Variants in DNAJB2 observed in about 807,000 individuals in gnomAD.
DNAJB2 encodes the protein DnaJ heat shock protein family (Hsp40) member B2, also known as dnaJ homolog subfamily B member 2.
In DNAJB2, 19 loss-of-function variants were observed where a neutral mutation model predicts 33.3. That is an observed-to-expected ratio of 0.57 (90% CI 0.40 to 0.84). The LOEUF (loss-of-function observed/expected upper bound fraction) is 0.84. Ranked by LOEUF, DNAJB2 falls within the 40% of genes least tolerant of loss-of-function variation. The pLI is 0.00. For missense variants in DNAJB2, 368 were observed against 430.9 expected, an observed-to-expected ratio of 0.85 and a Z score of 1.29; for synonymous variants, 172 against 164.6, an observed-to-expected ratio of 1.04 and a Z score of -0.34.
At chr2:219,280,046 GA>G (rs1315913135) in intron 2 of DNAJB2, 148 bp downstream of exon 2, 35 of 774,972 alleles carry the variant, frequency 4.5e-5, no homozygotes, top group Admixed American at 1.3e-4. Context: ...CTGCAGGGAG[GA>G]AAGAGACCCC....
At chr2:219,281,800 G>C in intron 4 of DNAJB2, 29 bp downstream of exon 4, 1 of 1,613,926 alleles carries the variant, frequency 6.2e-7, no homozygotes, top group Non-Finnish European at 8.5e-7. Flanking sequence ...CCCAGGAATG[G>C]AGGTGGGGCA....
chr2:219,281,854 C>G, intron 4 of DNAJB2, 83 bp downstream of exon 4: 1 of 1,610,298 alleles, frequency 6.2e-7, no homozygotes. Context: ...GAGGCTCTCT[C>G]AGGCTCCTGG....
Position 219,284,732 on chromosome 2 carries a change from T to C in DNAJB2, c.720T>C (p.Pro240=), listed in dbSNP as rs1240260923. Residue 240 remains proline, a synonymous_variant, in exon 9 of 9, where the codon CCT becomes CCC. Coordinates refer to ENST00000336576, the MANE Select transcript of DNAJB2 (RefSeq NM_006736.6). ...RSGGTQVQQT[P]ASCPLDSDLS... ...GGGGCACTCAGGTCCAGCAGACCCC[T>C]GCCTCATGCCCCTTGGACAGCGACC... is the stretch of plus-strand genomic sequence containing the variant. 1.9e-6 allele frequency: 3 copies of C among 1,613,420 alleles called. No homozygotes were observed. In the African/African-American group the frequency reaches 4.0e-5, roughly 22 times the overall value.
rs1951909003 is a variant in DNAJB2, at chr2:219,281,974, G to A, written c.265G>A (p.Gly89Arg). The change falls in exon 5 of 9, where the codon GGG becomes AGG. Residue 89 changes from glycine (G) to arginine (R), a missense_variant. Physicochemically the swap from Gly to Arg is moderately radical, Grantham distance 125. Coordinates refer to ENST00000336576, the MANE Select transcript of DNAJB2 (RefSeq NM_006736.6). ...ATCTCGGGCAGAAGCTGGCAGTGGTGGGCCTGGCTTCACCTTCACCTTCCG... is the reference window on the plus strand; with the variant it reads ...ATCTCGGGCAGAAGCTGGCAGTGGTAGGCCTGGCTTCACCTTCACCTTCCG... ...GPSRAEAGSG[G>R]PGFTFTFRSP... 1 of 1,614,104 alleles carries A rather than the reference G, an allele frequency of 6.2e-7. No individual in the cohort carries two copies. The highest frequency in any genetic ancestry group is 1.3e-5 in the African/African-American group (1 of 74,940).
Position 219,285,752 on chromosome 2 carries a change from C to T in DNAJB2, c.*765C>T. ...TCCTCCCTCTCGTTGCCTCAGCCTG[C>T]CCTCACCCTCAGGACTAGGCAGAGG... is the stretch of plus-strand genomic sequence containing the variant. On this transcript the variant is annotated 3_prime_UTR_variant, in exon 9 of 9. Coordinates refer to ENST00000336576, the MANE Select transcript of DNAJB2 (RefSeq NM_006736.6). 2 of 1,297,738 alleles carry T rather than the reference C, an allele frequency of 1.5e-6. No homozygotes were observed. Among genetic ancestry groups the T allele is most frequent in the East Asian group, 2.9e-5 (1 of 34,960 alleles). The allele number at this position is 1,297,738 out of a possible 1,614,324, so 80.4% of individuals were successfully genotyped here. A position where few individuals can be genotyped will look rare whatever the true frequency, so the allele number is the denominator to read the frequency against.
At chr2:219,280,075 A>G (rs996442021) in intron 2 of DNAJB2, 177 bp downstream of exon 2, 7 of 647,430 alleles carry the variant, frequency 1.1e-5, no homozygotes, top group Non-Finnish European at 1.9e-5. Flanking sequence ...GTACAAGGAG[A>G]ACGTCCAGAG....
intron 8 of DNAJB2, 66 bp from the exon 9 acceptor site, chr2:219,284,566 T>C (rs1327397271): frequency 3.9e-6 from 6 of 1,521,488 alleles, no homozygotes; most frequent in Non-Finnish European, 5.3e-6. Flanking sequence ...TGTTACTGTG[T>C]GAGGCAGCCT....
rs140751061 is a variant in DNAJB2 at position 219,279,913 on chromosome 2, A to T, written c.65+15A>T. 403 of 1,613,644 alleles carry T rather than the reference A, an allele frequency of 2.5e-4. 2 individuals carry two copies. The East Asian group carries it at 8.6e-3, about 34-fold the overall frequency. Reference sequence around the variant, plus strand: ...ATCAAGAAGGCGTAAGTGCCTCCGTATGCAACAGAAGACCTCTCACCCTCC... The same window carrying T: ...ATCAAGAAGGCGTAAGTGCCTCCGTTTGCAACAGAAGACCTCTCACCCTCC... On this transcript the variant is annotated intron_variant, in intron 2 of 8. Coordinates refer to ENST00000336576, the MANE Select transcript of DNAJB2 (RefSeq NM_006736.6). This position sits in a 1 kb window ranked among gnomAD's most constrained non-coding sequence, Gnocchi z 4.9.
intron 2 of DNAJB2, chr2:219,280,190 CT>C: frequency 1.9e-6 from 1 of 537,054 alleles, no homozygotes; most frequent in Non-Finnish European, 3.3e-6. Flanking sequence ...TCCCCTCCCC[CT>C]TCCCCCTAGA....
chr2:219,285,829 G>GAT lies in DNAJB2; in HGVS notation c.*843_*844insTA. The GAT allele has an allele frequency of 7.1e-7, 1 of 1,418,332 alleles. No individual in the cohort carries two copies. Among genetic ancestry groups the GAT allele is most frequent in the South Asian group, 1.5e-5 (1 of 66,184 alleles). 87.9% of individuals were successfully genotyped at this position (1,418,332 alleles called of 1,614,324 possible). On this transcript the variant is annotated 3_prime_UTR_variant, in exon 9 of 9. Transcript: ENST00000336576. Reference sequence around the variant, plus strand: ...GGATAGGACCGGGGGACCCCAGAGGGAGGCCTAGGAGGGGACTGCACCCAT... The same window carrying GAT: ...GGATAGGACCGGGGGACCCCAGAGGGATAGGCCTAGGAGGGGACTGCACCCAT...
chr2:219,286,085 C>A lies in DNAJB2; in HGVS notation c.*1098C>A. The A allele has an allele frequency of 6.4e-7, 1 of 1,563,664 alleles. No homozygotes were observed. Among genetic ancestry groups the A allele is most frequent in the South Asian group, 1.1e-5 (1 of 88,528 alleles). On this transcript the variant is annotated 3_prime_UTR_variant, in exon 9 of 9. Coordinates refer to ENST00000336576, the MANE Select transcript of DNAJB2 (RefSeq NM_006736.6). Reference sequence around the variant, plus strand: ...CTGGGAGGGGACCCTCCATTTCTCCCCCTCACCCATGCTGAGTGTAGAGCC... The same window carrying A: ...CTGGGAGGGGACCCTCCATTTCTCCACCTCACCCATGCTGAGTGTAGAGCC...
Position 219,279,842 on chromosome 2 carries a change from C to T in DNAJB2, c.9C>T (p.Ser3=). 6.2e-7 allele frequency: 1 copy of T among 1,614,016 alleles called. No homozygotes were observed. The highest frequency in any genetic ancestry group is 1.1e-5 in the South Asian group (1 of 91,082). The change falls in exon 2 of 9, where the codon TCC becomes TCT. Residue 3 remains serine (S), a synonymous_variant. Transcript: ENST00000336576. This position sits in a 1 kb window ranked among gnomAD's most constrained non-coding sequence, Gnocchi z 4.9. ...ACGACTGACCAGTTGCCATGGCATC[C>T]TACTACGAGATCCTAGACGTGCCGC... MA[S]YYEILDVPRS...
chr2:219,282,079 G>A lies in DNAJB2; in HGVS notation c.352+18G>A. 4 of 1,614,050 alleles carry A rather than the reference G, an allele frequency of 2.5e-6. No individual in the cohort carries two copies. The highest frequency in any genetic ancestry group is 3.4e-6 in the Non-Finnish European group (4 of 1,180,028). On this transcript the variant is annotated intron_variant, in intron 5 of 8. Coordinates refer to ENST00000336576, the MANE Select transcript of DNAJB2 (RefSeq NM_006736.6). ...GCTCTTTGGTGAGTGGACTCTGGAAGCCTCTGAATGGCTCAACTTCCCCCT... is the reference window on the plus strand; with the variant it reads ...GCTCTTTGGTGAGTGGACTCTGGAAACCTCTGAATGGCTCAACTTCCCCCT...
Position 219,279,818 on chromosome 2 carries a change from C to A in DNAJB2, c.-16C>A, listed in dbSNP as rs1414518382. 1 of 1,613,796 alleles carries A rather than the reference C, an allele frequency of 6.2e-7. No homozygotes were observed. Among genetic ancestry groups the A allele is most frequent in the Admixed American group, 1.7e-5 (1 of 59,996 alleles). On this transcript the variant is annotated 5_prime_UTR_variant, in exon 2 of 9. Transcript: ENST00000336576. The surrounding 1 kb of genome is among the most constrained non-coding windows in gnomAD (Gnocchi z 4.9). ...TGCAGCCCCAAGGAGGCCCGCCTGA[C>A]GACTGACCAGTTGCCATGGCATCCT... is the stretch of plus-strand genomic sequence containing the variant.
Position 219,279,864 on chromosome 2 carries a change from C to T in DNAJB2, c.31C>T (p.Pro11Ser), listed in dbSNP as rs1390990431. MASYYEILDV[P>S]RSASADDIKK... Reference sequence around the variant, plus strand: ...ATCCTACTACGAGATCCTAGACGTGCCGCGAAGTGCGTCCGCTGATGACAT... The same window carrying T: ...ATCCTACTACGAGATCCTAGACGTGTCGCGAAGTGCGTCCGCTGATGACAT... The change falls in exon 2 of 9, where the codon CCG (proline) becomes TCG (serine). Residue 11 changes from proline (P) to serine (S), a missense_variant. Coordinates refer to ENST00000336576, the MANE Select transcript of DNAJB2 (RefSeq NM_006736.6). This position sits in a 1 kb window ranked among gnomAD's most constrained non-coding sequence, Gnocchi z 4.9. 7 of 1,613,892 alleles carry T rather than the reference C, an allele frequency of 4.3e-6. No homozygotes were observed. The highest frequency in any genetic ancestry group is 2.2e-5 in the East Asian group (1 of 44,890).
intron 4 of DNAJB2, 49 bp from the exon 5 acceptor site, chr2:219,281,890 T>C: frequency 6.2e-7 from 1 of 1,608,420 alleles, no homozygotes; most frequent in Non-Finnish European, 8.5e-7. Flanking sequence ...GGTCCCCCGC[T>C]CAGGGCAGGA....
intron 3 of DNAJB2, 56 bp downstream of exon 3, chr2:219,280,743 C>G: frequency 3.1e-6 from 4 of 1,301,468 alleles, no homozygotes; most frequent in Non-Finnish European, 4.4e-6. Flanking sequence ...CATGCCCCAG[C>G]TCACATTTTC....
intron 8 of DNAJB2, 147 bp from the exon 9 acceptor site, chr2:219,284,485 C>T (rs1490919581): frequency 9.7e-7 from 1 of 1,026,504 alleles, no homozygotes; most frequent in Non-Finnish European, 1.4e-6. Flanking sequence ...TCCTTGTGCT[C>T]AAAATCACAA....
chr2:219,285,573 T>C lies in DNAJB2; in HGVS notation c.*586T>C. The C allele has an allele frequency of 2.9e-6, 3 of 1,039,538 alleles. No homozygotes were observed. The highest frequency in any genetic ancestry group is 3.5e-6 in the Non-Finnish European group (3 of 864,520). The allele number at this position is 1,039,538 out of a possible 1,614,324, so 64.4% of individuals were successfully genotyped here. On this transcript the variant is annotated 3_prime_UTR_variant, in exon 9 of 9. Transcript: ENST00000336576. Reference sequence around the variant, plus strand: ...CGCATCGCTTGCTTTCACTGCCGTCTGGCTAGGACTCCCTTCTTCCTTCCT... The same window carrying C: ...CGCATCGCTTGCTTTCACTGCCGTCCGGCTAGGACTCCCTTCTTCCTTCCT...
Sources: allele counts gnomAD v4.1 joint callset, GRCh38; gene constraint gnomAD v4.1.1; non-coding constraint Gnocchi (gnomAD v3.1); transcripts MANE v1.5; gene names NCBI Gene and HGNC (gene_info 2026-07-23, HGNC 2026-07-21).